Variants in MTHFD2L observed in about 807,000 individuals in gnomAD.
MTHFD2L encodes the protein methylenetetrahydrofolate dehydrogenase (NADP+ dependent) 2 like, also known as bifunctional methylenetetrahydrofolate dehydrogenase/cyclohydrolase 2, mitochondrial.
A neutral mutation model predicts 34.9 loss-of-function variants in MTHFD2L; 29 were observed. The ratio of observed to expected loss-of-function variants is 0.83; its 90% CI spans 0.62 to 1.13. The LOEUF is 1.13. Among genes scored for constraint, MTHFD2L ranks in the 50% most tolerant of loss-of-function variants. The pLI is 0.00. For synonymous variants in MTHFD2L, 167 were observed against 155.7 expected, an observed-to-expected ratio of 1.07 and a Z score of -0.54; for missense variants, 481 against 446.5, an observed-to-expected ratio of 1.08 and a Z score of -0.70.
At chr4:74,123,672 A>G (rs1471949827), upstream of MTHFD2L, among the ~76,000 whole-genome samples, 2 of 147,436 alleles carry the variant, frequency 1.4e-5, no homozygotes, top group African/African-American at 5.4e-5. Flanking sequence ...ATGCTTCAAC[A>G]TTTTTTCTGT....
At chr4:74,292,857 T>C (rs892947127) in intron 7 of MTHFD2L, among the ~76,000 whole-genome samples, 1 of 151,922 alleles carries the variant, frequency 6.6e-6, no homozygotes, top group African/African-American at 2.4e-5. Flanking sequence ...TATTTTATTT[T>C]ATTATTATTA....
rs764455774 is a variant in MTHFD2L, at chr4:74,301,748, C to A, written c.983C>A (p.Pro328His). The change falls in exon 8 of 8, where the codon CCC (proline) becomes CAC (histidine). Residue 328 changes from proline to histidine, a missense_variant. Transcript: ENST00000325278. ...FITPVPGGVG[P>H]MTVAMLLKNT... ...ACTCCAGTTCCAGGAGGTGTGGGACCCATGACAGTGGCAATGCTTCTGAAG... is the reference window on the plus strand; with the variant it reads ...ACTCCAGTTCCAGGAGGTGTGGGACACATGACAGTGGCAATGCTTCTGAAG... 1.2e-6 allele frequency: 2 copies of A among 1,607,726 alleles called. No individual in the cohort carries two copies. The highest frequency in any genetic ancestry group is 1.1e-5 in the South Asian group (1 of 90,292).
At chr4:74,182,403 T>C (rs1730363215) in intron 3 of MTHFD2L, among the ~76,000 whole-genome samples, 1 of 152,222 alleles carries the variant, frequency 6.6e-6, no homozygotes, top group Non-Finnish European at 1.5e-5. Flanking sequence ...CCCGCACCCA[T>C]GAAAGTTTTC....
At chr4:74,160,650 A>G (rs1291430302) in intron 1 of MTHFD2L, 1 of 152,258 alleles carries the variant, frequency 6.6e-6, no homozygotes, top group Non-Finnish European at 1.5e-5. Context: ...CTTGAAATGA[A>G]TTAACTATCC....
chr4:74,235,183 G>A (rs1205630260), intron 6 of MTHFD2L, among the ~76,000 whole-genome samples: 1 of 152,068 alleles, frequency 6.6e-6, no homozygotes, highest in Non-Finnish European at 1.5e-5. Flanking sequence ...ATAATTAGAA[G>A]CACTGAAATA....
intron 2 of MTHFD2L, among the ~76,000 whole-genome samples, chr4:74,117,290 G>C (rs2109765110): frequency 6.6e-6 from 1 of 152,324 alleles, no homozygotes; most frequent in Middle Eastern, 3.4e-3. Flanking sequence ...GACTGTGAAA[G>C]ACTAACACTG....
At chr4:74,252,046 G>T (rs1743384669) in intron 6 of MTHFD2L, among the ~76,000 whole-genome samples, 1 of 152,158 alleles carries the variant, frequency 6.6e-6, no homozygotes, top group Admixed American at 6.5e-5. Flanking sequence ...CACAAGTTGG[G>T]CATATAGCTG....
At chr4:74,128,823 G>A (rs769648659) in intron 1 of MTHFD2L, among the ~76,000 whole-genome samples, 11 of 152,016 alleles carry the variant, frequency 7.2e-5, no homozygotes, top group Non-Finnish European at 1.5e-4. Context: ...AAGGCAGCAT[G>A]TACTTGGGTC....
chr4:74,263,405 A>T (rs1403794806), intron 6 of MTHFD2L, among the ~76,000 whole-genome samples: 2 of 152,046 alleles, frequency 1.3e-5, no homozygotes, highest in Non-Finnish European at 2.9e-5. Flanking sequence ...GAATCTATAA[A>T]TTGCTTTGGG....
At chr4:74,202,382 C>A (rs538972678) in intron 5 of MTHFD2L, among the ~76,000 whole-genome samples, 3 of 152,294 alleles carry the variant, frequency 2.0e-5, no homozygotes, top group African/African-American at 7.2e-5. Context: ...TGCCTTCAGA[C>A]TGATTTATTA....
intron 3 of MTHFD2L, among the ~76,000 whole-genome samples, chr4:74,198,430 T>A (rs1036621199): frequency 6.6e-6 from 1 of 152,164 alleles, no homozygotes; most frequent in Non-Finnish European, 1.5e-5. Flanking sequence ...AGTTTTGAAC[T>A]TAGAAATAAA....
At chr4:74,279,251 G>A (rs1246228222) in intron 6 of MTHFD2L, among the ~76,000 whole-genome samples, 1 of 151,812 alleles carries the variant, frequency 6.6e-6, no homozygotes, top group Non-Finnish European at 1.5e-5. Flanking sequence ...TGACAGAGTG[G>A]TAAGATACAT....
intron 5 of MTHFD2L, among the ~76,000 whole-genome samples, chr4:74,207,686 A>G (rs1479074142): frequency 2.0e-5 from 3 of 151,914 alleles, no homozygotes; most frequent in Non-Finnish European, 4.4e-5. Context: ...GAGGCACCCT[A>G]TCTAAATGGA....
intron 1 of MTHFD2L, among the ~76,000 whole-genome samples, chr4:74,134,457 C>G (rs1040921641): frequency 6.6e-6 from 1 of 152,084 alleles, no homozygotes; most frequent in Non-Finnish European, 1.5e-5. Context: ...GAGCCGAAAA[C>G]AAGGCAGCAA....
chr4:74,290,640 C>CTGTGTGTGTG (rs147970923), intron 7 of MTHFD2L, among the ~76,000 whole-genome samples: 5 of 149,222 alleles, frequency 3.4e-5, no homozygotes, highest in South Asian at 2.1e-4. Context: ...TGGTGAAAGA[C>CTGTGTGTGTG]TGTGTGTGTG....
chr4:74,149,804 T>TC (rs1317078527), intron 1 of MTHFD2L, among the ~76,000 whole-genome samples: 1 of 152,008 alleles, frequency 6.6e-6, no homozygotes, highest in African/African-American at 2.4e-5. Context: ...AGAAGAGTGC[T>TC]CCCCCCAAAA....
At chr4:74,206,283 C>A (rs769126097) in intron 5 of MTHFD2L, among the ~76,000 whole-genome samples, 4 of 152,108 alleles carry the variant, frequency 2.6e-5, no homozygotes, top group Non-Finnish European at 5.9e-5. Flanking sequence ...GTCTGTGTGT[C>A]TTGTTCTGGT....
intron 2 of MTHFD2L, among the ~76,000 whole-genome samples, chr4:74,116,266 T>C (rs954157322): frequency 1.3e-5 from 2 of 152,116 alleles, no homozygotes; most frequent in Non-Finnish European, 2.9e-5. Flanking sequence ...GGATGGCTAG[T>C]AAAAACAGAA....
intron 1 of MTHFD2L, chr4:74,162,309 ACT>A (rs1393497983): frequency 6.6e-6 from 1 of 152,038 alleles, no homozygotes; most frequent in Non-Finnish European, 1.5e-5. Context: ...GTAATAATTT[ACT>A]CTCAGATTGA....
Sources: allele counts gnomAD v4.1 joint callset (sites outside exome capture counted in the v4.1 genomes callset), GRCh38; gene constraint gnomAD v4.1.1; transcripts MANE v1.5; gene names NCBI Gene and HGNC (gene_info 2026-07-23, HGNC 2026-07-21).